Variants in PRKAG2 observed in about 807,000 individuals in gnomAD.
The protein encoded by PRKAG2 is 5'-AMP-activated protein kinase subunit gamma-2.
PRKAG2 carries 26 observed loss-of-function variants against 69.6 expected under a neutral mutation model. The ratio of observed to expected loss-of-function variants is 0.37; its 90% CI spans 0.27 to 0.52. The LOEUF is 0.52. Ranked by LOEUF, PRKAG2 falls within the 20% of genes least tolerant of loss-of-function variation. The probability of loss-of-function intolerance (pLI) is 0.90; values close to 1 mark genes in which losing one functional copy is unlikely to be tolerated. For missense variants in PRKAG2, 557 were observed against 740.0 expected, an observed-to-expected ratio of 0.75 and a Z score of 2.87; for synonymous variants, 293 against 285.0, an observed-to-expected ratio of 1.03 and a Z score of -0.28.
chr7:151,761,092 T>C (rs2075386339), intron 3 of PRKAG2, among the ~76,000 whole-genome samples: 1 of 152,232 alleles, frequency 6.6e-6, no homozygotes, highest in African/African-American at 2.4e-5. Flanking sequence ...CATAGCTGAT[T>C]CCATATTGCT....
In PRKAG2 at chr7:151,675,481, G is replaced by A. The variant is rs1832769328; in HGVS notation, c.623C>T (p.Ser208Phe). ...PDTGQRFCPSSFQSPTRPPLA... is the reference protein window; with the variant it reads ...PDTGQRFCPSFFQSPTRPPLA... The stretch of plus-strand genomic sequence containing the variant: ...TGGAGGCCTGGTCGGGCTCTGGAAG[G>A]AAGACGGGCAGAACCTCTGCCCTGT... The change falls in exon 4 of 16, where the codon TCC (serine) becomes TTC (phenylalanine). Residue 208 changes from serine (S) to phenylalanine (F), a missense_variant. By Grantham distance (155) the Ser-to-Phe change is radical. This residue lies in a region of PRKAG2 where 352 missense variants were observed against 356.7 expected (regional missense o/e 0.99). Coordinates refer to ENST00000287878, the MANE Select transcript of PRKAG2 (RefSeq NM_016203.4). 2 of 1,614,086 alleles carry A rather than the reference G, an allele frequency of 1.2e-6. No homozygotes were observed. The highest frequency in any genetic ancestry group is 1.3e-5 in the African/African-American group (1 of 74,932).
At chr7:151,612,769 G>A (rs1819173271) in intron 5 of PRKAG2, among the ~76,000 whole-genome samples, 1 of 152,206 alleles carries the variant, frequency 6.6e-6, no homozygotes, top group Non-Finnish European at 1.5e-5. Context: ...CAGGTGCATG[G>A]GGAACCCCAA....
chr7:151,660,276 C>G (rs1252313518), intron 4 of PRKAG2, among the ~76,000 whole-genome samples: 1 of 152,168 alleles, frequency 6.6e-6, no homozygotes, highest in East Asian at 1.9e-4. Flanking sequence ...GGAAAATCTC[C>G]TTTCTTTCAA....
In PRKAG2 at chr7:151,843,984, C is replaced by T. The variant is rs560447398; in HGVS notation, c.114+32523G>A. On this transcript the variant is annotated intron_variant, in intron 1 of 15. Coordinates refer to ENST00000287878, the MANE Select transcript of PRKAG2 (RefSeq NM_016203.4). ...CAGAAGCTTTTTAAAAATTCAGATT[C>T]CAAGGCCTCAGCCTGGGCCTCCTGA... is the stretch of plus-strand genomic sequence containing the variant. Among the ~76,000 whole-genome samples the T allele has an allele frequency of 1.2e-3, 190 of 152,344 alleles. 5 individuals are homozygous for T. The South Asian group carries it at 0.032, about 25-fold the overall frequency.
chr7:151,835,688 G>A lies in PRKAG2; in HGVS notation c.114+40819C>T, dbSNP rs530844977. On this transcript the variant is annotated intron_variant, in intron 1 of 15. Coordinates refer to ENST00000287878, the MANE Select transcript of PRKAG2 (RefSeq NM_016203.4). The surrounding 1 kb of genome is among the most constrained non-coding windows in gnomAD (Gnocchi z 4.1). ...GGTTGCTGTATGGACAGACACACAAGGAGACTGACCCAGGTCCTGTTGCAG... is the reference window on the plus strand; with the variant it reads ...GGTTGCTGTATGGACAGACACACAAAGAGACTGACCCAGGTCCTGTTGCAG... 5.3e-5 allele frequency among the ~76,000 whole-genome samples: 8 copies of A among 152,304 alleles called. No individual in the cohort carries two copies. Among genetic ancestry groups the A allele is most frequent in the East Asian group, 3.9e-4 (2 of 5,174 alleles).
At chr7:151,763,185 A>G (rs760984256) in intron 3 of PRKAG2, among the ~76,000 whole-genome samples, 5 of 152,254 alleles carry the variant, frequency 3.3e-5, no homozygotes, top group African/African-American at 4.8e-5. Context: ...AGTAAGAATT[A>G]AGCGCCAGAA....
chr7:151,765,544 T>A (rs1340452884), intron 3 of PRKAG2, among the ~76,000 whole-genome samples: 2 of 152,112 alleles, frequency 1.3e-5, no homozygotes, highest in African/African-American at 2.4e-5. Flanking sequence ...CACCAGGGCA[T>A]CCCCGTCTCA....
At chr7:151,792,122 A>G (rs1162569659) in intron 1 of PRKAG2, among the ~76,000 whole-genome samples, 1 of 152,250 alleles carries the variant, frequency 6.6e-6, no homozygotes, top group Non-Finnish European at 1.5e-5. Context: ...ATCAGAGGCT[A>G]TAAAAAGAGA....
At chr7:151,596,488 C>T (rs748720120) in intron 5 of PRKAG2, among the ~76,000 whole-genome samples, 3 of 152,122 alleles carry the variant, frequency 2.0e-5, no homozygotes, top group Non-Finnish European at 4.4e-5. Context: ...GTAGCACGCG[C>T]CTGTAATCCT....
At chr7:151,842,789 G>A (rs541518802) in intron 1 of PRKAG2, among the ~76,000 whole-genome samples, 1,550 of 151,924 alleles carry the variant, frequency 0.01, 27 homozygotes, top group African/African-American at 0.034. Context: ...AGTAAGTAGC[G>A]GTGGTAGCAT....
chr7:151,818,936 G>A (rs545264574), intron 1 of PRKAG2, among the ~76,000 whole-genome samples: 36 of 152,224 alleles, frequency 2.4e-4, no homozygotes, highest in Non-Finnish European at 4.7e-4. Context: ...AGGTCCTGTG[G>A]TTGCTTCTGA....
chr7:151,636,826 T>A (rs576504557), intron 4 of PRKAG2, among the ~76,000 whole-genome samples: 123 of 152,324 alleles, frequency 8.1e-4, no homozygotes, highest in African/African-American at 2.9e-3. Context: ...TGCCTCAGCC[T>A]CCCGAGTAGC....
At chr7:151,826,589 T>C (rs995294768) in intron 1 of PRKAG2, among the ~76,000 whole-genome samples, 1 of 152,128 alleles carries the variant, frequency 6.6e-6, no homozygotes, top group Non-Finnish European at 1.5e-5. Context: ...GAGGTGAAAA[T>C]GTACCCTAAT....
In PRKAG2 at chr7:151,632,546, C is replaced by T; in HGVS notation, c.685-408G>A. ...TTGGGAGAGGCCCGCGGCCCGCCCC[C>T]ACTCCGCCCCCCGGCGCCGCTCACC... On this transcript the variant is annotated intron_variant, in intron 4 of 15. Coordinates refer to ENST00000287878, the MANE Select transcript of PRKAG2 (RefSeq NM_016203.4). The surrounding 1 kb of genome is among the most constrained non-coding windows in gnomAD (Gnocchi z 4.2). 3 of 983,042 alleles carry T rather than the reference C, an allele frequency of 3.1e-6. No individual in the cohort carries two copies. Among genetic ancestry groups the T allele is most frequent in the Non-Finnish European group, 3.6e-6 (3 of 828,210 alleles). The allele number at this position is 983,042 out of a possible 1,614,324, so 60.9% of individuals were successfully genotyped here.
intron 3 of PRKAG2, among the ~76,000 whole-genome samples, chr7:151,687,857 G>A (rs1834967903): frequency 6.6e-6 from 1 of 152,268 alleles, no homozygotes; most frequent in African/African-American, 2.4e-5. Context: ...ACCAGGCGAG[G>A]TGGGTGCCTC....
intron 3 of PRKAG2, among the ~76,000 whole-genome samples, chr7:151,715,829 GGAGA>G (rs1796091164): frequency 6.6e-6 from 1 of 151,634 alleles, no homozygotes; most frequent in South Asian, 2.1e-4. Context: ...GGCAAAGGCA[GGAGA>G]GAGGGCGGGG....
intron 1 of PRKAG2, among the ~76,000 whole-genome samples, chr7:151,873,044 A>C (rs2080258223): frequency 6.6e-6 from 1 of 152,216 alleles, no homozygotes; most frequent in African/African-American, 2.4e-5. Flanking sequence ...AACATGATTC[A>C]TTGTCTACCT....
intron 1 of PRKAG2, among the ~76,000 whole-genome samples, chr7:151,808,484 T>A (rs1200445830): frequency 6.6e-6 from 1 of 152,012 alleles, no homozygotes; most frequent in Non-Finnish European, 1.5e-5. Flanking sequence ...CCTGCAAAGC[T>A]GGTCCAAAGT....
intron 4 of PRKAG2, among the ~76,000 whole-genome samples, chr7:151,652,126 C>A (rs1352176713): frequency 6.6e-6 from 1 of 152,190 alleles, no homozygotes; most frequent in African/African-American, 2.4e-5. Context: ...CATATCACAG[C>A]ATCACAGTGT....
Sources: gnomAD v4.1 joint callset for allele counts (sites outside exome capture counted in the v4.1 genomes callset) on GRCh38, gnomAD v4.1.1 for gene constraint, gnomAD v4.1.1 regional missense constraint, Gnocchi (gnomAD v3.1) non-coding constraint, MANE v1.5 for transcripts, NCBI Gene and HGNC (gene_info 2026-07-23, HGNC 2026-07-21) for gene names.